Variants in FLG observed in about 807,000 individuals in gnomAD.
The protein encoded by FLG is epidermal filaggrin.
FLG carries 6 observed loss-of-function variants against 3.8 expected under a neutral mutation model. That is an observed-to-expected ratio of 1.60 (90% confidence interval 0.87 to 3.15). The LOEUF (loss-of-function observed/expected upper bound fraction) is 3.15. Ranked by LOEUF, FLG falls within the 30% of genes most tolerant of loss-of-function variation. The probability of loss-of-function intolerance (pLI) is 0.00; values close to 1 mark genes in which losing one functional copy is unlikely to be tolerated. For synonymous variants in FLG, 2,551 were observed against 1,931.6 expected (o/e 1.32, Z -8.41); for missense variants, 7,595 against 5,050.9 (o/e 1.50, Z -15.27).
At position 152,307,482 on chromosome 1, in the gene FLG, T is replaced by G. The variant is rs1157727208; in HGVS notation, c.7404A>C (p.Ser2468=). 1.2e-6 allele frequency: 2 copies of G among 1,613,386 alleles called. No individual in the cohort carries two copies. The highest frequency in any genetic ancestry group is 2.7e-5 in the African/African-American group (2 of 74,768). ...GGGATCCCTGCCTTCCTCCACTGCT[T>G]GACCCCGGGTGTCCATGAATGGTGT... ...GQDTIHGHPG[S]SSGGRQGSHY... is the part of the protein sequence containing the mutation. Residue 2468 remains serine (S), a synonymous_variant, in exon 3 of 3, where the codon TCA becomes TCC. Coordinates refer to ENST00000368799, the MANE Select transcript of FLG (RefSeq NM_002016.2).
chr1:152,313,168 T>C lies in FLG; in HGVS notation c.1718A>G (p.Asn573Ser). ...GSRSASRQTR[N>S]EEQSGDGTRH... ...GGTGCCGTCTCCTGATTGTTCCTCA[T>C]TTCGTGTTTGTCTGCTTGCACTTCT... The change falls in exon 3 of 3, where the codon AAT (asparagine) becomes AGT (serine). Residue 573 changes from asparagine to serine, a missense_variant. Coordinates refer to ENST00000368799, the MANE Select transcript of FLG (RefSeq NM_002016.2). 6.2e-7 allele frequency: 1 copy of C among 1,613,802 alleles called. No homozygotes were observed. The highest frequency in any genetic ancestry group is 8.5e-7 in the Non-Finnish European group (1 of 1,179,994).
Position 152,311,457 on chromosome 1 carries a change from T to G in FLG, c.3429A>C (p.Gly1143=). Residue 1143 remains glycine (G), a synonymous_variant, in exon 3 of 3, where the codon GGA becomes GGC. Transcript: ENST00000368799. ...TGTCTCGTGCCTGCTCGTGGTGGGA[T>G]CCTTGTCTTCGTCCAGTGCTGGTCC... ...RTRTSTGRRQ[G]SHHEQARDSS... is the part of the protein sequence containing the mutation. 1.2e-6 allele frequency: 2 copies of G among 1,613,892 alleles called. No homozygotes were observed. The highest frequency in any genetic ancestry group is 2.2e-5 in the South Asian group (2 of 91,064).
At position 152,309,322 on chromosome 1, in the gene FLG, G is replaced by A; in HGVS notation, c.5564C>T (p.Ser1855Phe). Residue 1855 changes from serine (S) to phenylalanine (F), a missense_variant, in exon 3 of 3, where the codon TCC becomes TTC. Physicochemically the swap from Ser to Phe is radical, Grantham distance 155. Coordinates refer to ENST00000368799, the MANE Select transcript of FLG (RefSeq NM_002016.2). ...HTTSQERSDV[S>F]RGQSGSRSVS... ...ACTTCTGGATCCTGACTGCCCACGG[G>A]AGACATCAGACCTTTCCTGGGACGT... The A allele has an allele frequency of 6.2e-7, 1 of 1,613,882 alleles. No individual in the cohort carries two copies. The highest frequency in any genetic ancestry group is 2.2e-5 in the East Asian group (1 of 44,812).
In FLG at chr1:152,307,600, C is replaced by T. The variant is rs1169103537; in HGVS notation, c.7286G>A (p.Gly2429Glu). 18 of 1,613,584 alleles carry T rather than the reference C, an allele frequency of 1.1e-5. No homozygotes were observed. Among genetic ancestry groups the T allele is most frequent in the Middle Eastern group, 1.6e-4 (1 of 6,080 alleles). The change falls in exon 3 of 3, where the codon GGA becomes GAA. Residue 2429 changes from glycine to glutamate, a missense_variant. By Grantham distance (98) the Gly-to-Glu change is moderately conservative. Coordinates refer to ENST00000368799, the MANE Select transcript of FLG (RefSeq NM_002016.2). ...STHEQSESAH[G>E]RTGTSTGGRQ... Reference sequence around the variant, plus strand: ...TCCTCCAGTGCTGGTCCCGGTCCGTCCATGGGCGGACTCAGACTGTTCATG... The same window carrying T: ...TCCTCCAGTGCTGGTCCCGGTCCGTTCATGGGCGGACTCAGACTGTTCATG...
In FLG at chr1:152,307,521, G is replaced by A. The variant is rs1166322140; in HGVS notation, c.7365C>T (p.Ser2455=). ...QARDSSRHST[S]QEGQDTIHGH... is the part of the protein sequence containing the mutation. The stretch of plus-strand genomic sequence containing the variant: ...CATGAATGGTGTCCTGACCCTCTTG[G>A]GACGTTGAGTGCCTGGAGCTGTCTC... The change falls in exon 3 of 3, where the codon TCC becomes TCT. Residue 2455 remains serine, a synonymous_variant. Coordinates refer to ENST00000368799, the MANE Select transcript of FLG (RefSeq NM_002016.2). 1 of 1,613,100 alleles carries A rather than the reference G, an allele frequency of 6.2e-7. No individual in the cohort carries two copies. The highest frequency in any genetic ancestry group is 2.2e-5 in the East Asian group (1 of 44,740).
chr1:152,324,901 T>C (rs182029756), intron 1 of FLG, among the ~76,000 whole-genome samples: 5 of 152,084 alleles, frequency 3.3e-5, no homozygotes, highest in Admixed American at 3.3e-4. Flanking sequence ...TATAGTTCAC[T>C]GCTGCATAGA....
Position 152,312,818 on chromosome 1 carries a change from T to C in FLG, c.2068A>G (p.Ser690Gly), listed in dbSNP as rs775610475. The change falls in exon 3 of 3, where the codon AGT becomes GGT. Residue 690 changes from serine (S) to glycine (G), a missense_variant. By Grantham distance (56) the Ser-to-Gly change is moderately conservative. Coordinates refer to ENST00000368799, the MANE Select transcript of FLG (RefSeq NM_002016.2). ...TCATGGGATGACGCAGCCTGTCCAC[T>C]AGAGGAATTCTGTGTGTGACGAGTG... ...SGTRHTQNSSSGQAASSHEQA... is the reference protein window; with the variant it reads ...SGTRHTQNSSGGQAASSHEQA... 5.0e-6 allele frequency: 8 copies of C among 1,613,952 alleles called. No individual in the cohort carries two copies. The highest frequency in any genetic ancestry group is 3.3e-5 in the South Asian group (3 of 91,076).
chr1:152,310,513 G>T lies in FLG; in HGVS notation c.4373C>A (p.Thr1458Asn), dbSNP rs1194203154. 2 of 1,613,778 alleles carry T rather than the reference G, an allele frequency of 1.2e-6. No individual in the cohort carries two copies. The highest frequency in any genetic ancestry group is 1.7e-5 in the Admixed American group (1 of 59,984). ...HEQSESTHGQTAPSTGGRQGS... is the reference protein window; with the variant it reads ...HEQSESTHGQNAPSTGGRQGS... ...TTGTCTTCCTCCAGTGCTGGGTGCA[G>T]TCTGTCCGTGTGTGGACTCAGACTG... The change falls in exon 3 of 3, where the codon ACT becomes AAT. Residue 1458 changes from threonine to asparagine, a missense_variant. Transcript: ENST00000368799.
rs368243694 is a variant in FLG, at chr1:152,313,281, C to T, written c.1605G>A (p.Ser535=). The T allele has an allele frequency of 1.4e-4, 220 of 1,613,664 alleles. No individual in the cohort carries two copies. The highest frequency in any genetic ancestry group is 1.8e-4 in the Non-Finnish European group (211 of 1,180,000). The part of the protein sequence containing the change: ...GGRQGSHHEQ[S]VNRSGHSGSH... ...AACCTGAGTGTCCAGACCTATTTAC[C>T]GATTGCTCGTGGTGGGATCCCTGCC... The change falls in exon 3 of 3, where the codon TCG becomes TCA. Residue 535 remains serine (S), a synonymous_variant. Transcript: ENST00000368799.
At position 152,303,762 on chromosome 1, in the gene FLG, C is replaced by T. The variant is rs374482257; in HGVS notation, c.11124G>A (p.Gly3708=). The change falls in exon 3 of 3, where the codon GGG becomes GGA. Residue 3708 remains glycine, a synonymous_variant. Transcript: ENST00000368799. ...GAGTGCTCACCTGGTAGAGGAAAGA[C>T]CCTGAACGTCCAGACCTTCCTGCTG... The part of the protein sequence containing the change: ...GRSAGRSGRS[G]SFLYQVSTHE... 137 of 1,613,858 alleles carry T rather than the reference C, an allele frequency of 8.5e-5. No individual in the cohort carries two copies. The South Asian group carries it at 1.2e-3, about 14-fold the overall frequency.
At position 152,309,897 on chromosome 1, in the gene FLG, A is replaced by G; in HGVS notation, c.4989T>C (p.Gly1663=). ...SGTRHAETSS[G]GQAASSQEQA... ...GTTCCTGGGATGATGCAGCCTGTCC[A>G]CCAGAGGAAGTCTCTGCATGACGAG... Residue 1663 remains glycine (G), a synonymous_variant, in exon 3 of 3, where the codon GGT becomes GGC. Transcript: ENST00000368799. 1 of 1,613,982 alleles carries G rather than the reference A, an allele frequency of 6.2e-7. No homozygotes were observed. The highest frequency in any genetic ancestry group is 8.5e-7 in the Non-Finnish European group (1 of 1,180,000).
Position 152,303,311 on chromosome 1 carries a change from G to C in FLG, c.11575C>G (p.Gln3859Glu), listed in dbSNP as rs573388805. 5.0e-6 allele frequency: 8 copies of C among 1,613,972 alleles called. No homozygotes were observed. The highest frequency in any genetic ancestry group is 6.8e-6 in the Non-Finnish European group (8 of 1,180,026). Residue 3859 changes from glutamine (Q) to glutamate (E), a missense_variant, in exon 3 of 3, where the codon CAG (glutamine) becomes GAG (glutamate). Coordinates refer to ENST00000368799, the MANE Select transcript of FLG (RefSeq NM_002016.2). ...ESAGSRRSRR[Q>E]GSSVSQDSDS... is the part of the protein sequence containing the mutation. ...CTGTCCTGGCTAACACTGGATCCCTGGCGCCTGCTTCTCCTGGACCCCGCT... is the reference window on the plus strand; with the variant it reads ...CTGTCCTGGCTAACACTGGATCCCTCGCGCCTGCTTCTCCTGGACCCCGCT...
chr1:152,308,039 TG>T lies in FLG; in HGVS notation c.6846del (p.Arg2283GlyfsTer136). The T allele has an allele frequency of 6.2e-7, 1 of 1,614,178 alleles. No individual in the cohort carries two copies. The highest frequency in any genetic ancestry group is 8.5e-7 in the Non-Finnish European group (1 of 1,180,024). On this transcript the variant is annotated frameshift_variant, in exon 3 of 3. Transcript: ENST00000368799. LOFTEE classifies it low-confidence loss of function (END_TRUNC). ...CCGGCTCTGTCTTCGTGATGGGACC[TG>T]GGGTGTCTGGAGCCATCTCTTGACT... ...QEQSRDGSRH[P>X]RSHHEDRAGH...
rs372638528 is a variant in FLG at position 152,312,251 on chromosome 1, T to C, written c.2635A>G (p.Arg879Gly). Residue 879 changes from arginine to glycine, a missense_variant, in exon 3 of 3, where the codon AGG becomes GGG. By Grantham distance (125) the Arg-to-Gly change is moderately radical. Transcript: ENST00000368799. ...GACTGCCCACGGGAGGCATCAGACC[T>C]TCCCTGGGATGTGGTGTGGCTGTGA... is the stretch of plus-strand genomic sequence containing the variant. ...SHHSHTTSQG[R>G]SDASRGQSGS... is the part of the protein sequence containing the mutation. 2.2e-5 allele frequency: 36 copies of C among 1,613,736 alleles called. No individual in the cohort carries two copies. The highest frequency in any genetic ancestry group is 3.1e-5 in the Non-Finnish European group (36 of 1,179,920).
chr1:152,310,639 G>A lies in FLG; in HGVS notation c.4247C>T (p.Ala1416Val), dbSNP rs763191143. The change falls in exon 3 of 3, where the codon GCT becomes GTT. Residue 1416 changes from alanine (A) to valine (V), a missense_variant. Coordinates refer to ENST00000368799, the MANE Select transcript of FLG (RefSeq NM_002016.2). Reference sequence around the variant, plus strand: ...TTTGTGGCTCTGCTGATGGGGCCCAGCTTGTCCGTGGGCTGACACTGACTG... The same window carrying A: ...TTTGTGGCTCTGCTGATGGGGCCCAACTTGTCCGTGGGCTGACACTGACTG... ...DTQSVSAHGQ[A>V]GPHQQSHKES... 2 of 1,613,736 alleles carry A rather than the reference G, an allele frequency of 1.2e-6. No individual in the cohort carries two copies. Among genetic ancestry groups the A allele is most frequent in the African/African-American group, 2.7e-5 (2 of 74,810 alleles).
chr1:152,302,847 A>G lies in FLG; in HGVS notation c.12039T>C (p.Asp4013=), dbSNP rs1256368478. The change falls in exon 3 of 3, where the codon GAT becomes GAC. Residue 4013 remains aspartate, a synonymous_variant. Transcript: ENST00000368799. ...TACCAAACGCACTTGCTTTACAGAT[A>G]TCAGATCTTTCCTTGAAAACAACAG... ...SNPVVFKERS[D]ICKASAFGKD... 5.6e-6 allele frequency: 9 copies of G among 1,614,096 alleles called. No individual in the cohort carries two copies. In the South Asian group the frequency reaches 7.7e-5, roughly 14 times the overall value.
Position 152,303,345 on chromosome 1 carries a change from C to T in FLG, c.11541G>A (p.Gln3847=). 2 of 1,614,162 alleles carry T rather than the reference C, an allele frequency of 1.2e-6. No individual in the cohort carries two copies. The highest frequency in any genetic ancestry group is 1.1e-5 in the South Asian group (1 of 91,082). ...ADSSRHSQSG[Q]GESAGSRRSR... ...TTCTCCTGGACCCCGCTGATTCACCCTGGCCGGACTGTGAGTGTCTAGAGC... is the reference window on the plus strand; with the variant it reads ...TTCTCCTGGACCCCGCTGATTCACCTTGGCCGGACTGTGAGTGTCTAGAGC... Residue 3847 remains glutamine (Q), a synonymous_variant, in exon 3 of 3, where the codon CAG becomes CAA. Coordinates refer to ENST00000368799, the MANE Select transcript of FLG (RefSeq NM_002016.2).
chr1:152,302,606 G>A lies in FLG; in HGVS notation c.*94C>T. 5 of 1,505,020 alleles carry A rather than the reference G, an allele frequency of 3.3e-6. No individual in the cohort carries two copies. Among genetic ancestry groups the A allele is most frequent in the South Asian group, 1.2e-5 (1 of 80,160 alleles). The allele number at this position is 1,505,020 out of a possible 1,614,324, so 93.2% of individuals were successfully genotyped here. A position where few individuals can be genotyped will look rare whatever the true frequency, so the allele number is the denominator to read the frequency against. On this transcript the variant is annotated 3_prime_UTR_variant, in exon 3 of 3. Coordinates refer to ENST00000368799, the MANE Select transcript of FLG (RefSeq NM_002016.2). ...TATTTTAAACAGATTGACAGGAAAAGATAACTTCCCTGAAAGTATTATGAA... is the reference window on the plus strand; with the variant it reads ...TATTTTAAACAGATTGACAGGAAAAAATAACTTCCCTGAAAGTATTATGAA...
chr1:152,322,819 T>C (rs188682253), intron 1 of FLG, among the ~76,000 whole-genome samples: 151 of 151,506 alleles, frequency 1.0e-3, no homozygotes, highest in Admixed American at 1.8e-3. Context: ...CATTTATAGA[T>C]GCAATGAAAT....
Sources: gnomAD v4.1 joint callset for allele counts (sites outside exome capture counted in the v4.1 genomes callset) on GRCh38, gnomAD v4.1.1 for gene constraint, MANE v1.5 for transcripts, NCBI Gene and HGNC (gene_info 2026-07-23, HGNC 2026-07-21) for gene names.